ZNF827: variants seen among roughly 807,000 people sequenced by gnomAD.
ZNF827 encodes zinc finger protein 827.
Under a neutral mutation model 102.4 loss-of-function variants are expected in ZNF827, and 13 were observed. The ratio of observed to expected loss-of-function variants is 0.13; its 90% confidence interval spans 0.08 to 0.20. The LOEUF is 0.20. ZNF827 is among the 10% of genes least tolerant of loss of function. ZNF827 has a pLI of 1.00. For missense variants in ZNF827, 1,103 were observed against 1,344.4 expected, an observed-to-expected ratio of 0.82 and a Z score of 2.81; for synonymous variants, 523 against 536.2, an observed-to-expected ratio of 0.98 and a Z score of 0.34.
At chr4:145,880,916 G>A (rs919948774) in intron 4 of ZNF827, among the ~76,000 whole-genome samples, 5 of 152,246 alleles carry the variant, frequency 3.3e-5, no homozygotes, top group African/African-American at 9.6e-5. Flanking sequence ...TTGGAAGAAG[G>A]CTCATTTGTT....
chr4:145,861,790 G>A (rs763265058), intron 5 of ZNF827, among the ~76,000 whole-genome samples: 4 of 152,124 alleles, frequency 2.6e-5, no homozygotes, highest in Admixed American at 6.5e-5. Flanking sequence ...AGGAATCTAC[G>A]ATGAAGGTGG....
At chr4:145,915,764 T>C (rs1398602704) in intron 1 of ZNF827, among the ~76,000 whole-genome samples, 1 of 152,196 alleles carries the variant, frequency 6.6e-6, no homozygotes, top group African/African-American at 2.4e-5. Flanking sequence ...CTAAATTAGA[T>C]ATGGGTGAGA....
At chr4:145,929,628 C>T (rs545498378) in intron 1 of ZNF827, among the ~76,000 whole-genome samples, 2 of 152,090 alleles carry the variant, frequency 1.3e-5, no homozygotes, top group Admixed American at 1.3e-4. Context: ...TATTATTACT[C>T]ACCACACTAA....
chr4:145,855,978 G>A (rs1192168929), intron 5 of ZNF827, among the ~76,000 whole-genome samples: 1 of 151,830 alleles, frequency 6.6e-6, no homozygotes, highest in East Asian at 1.9e-4. Context: ...AGAATCACAA[G>A]TCGATTGAGA....
chr4:145,851,516 AAAG>A (rs1299312198), intron 5 of ZNF827, among the ~76,000 whole-genome samples: 3 of 152,222 alleles, frequency 2.0e-5, no homozygotes, highest in East Asian at 1.9e-4. Context: ...TAGTTAAAAA[AAAG>A]AAGAGCATTT....
chr4:145,926,287 A>G lies in ZNF827; in HGVS notation c.43+12078T>C, dbSNP rs972345031. On this transcript the variant is annotated intron_variant, in intron 1 of 14. Transcript: ENST00000508784. ...GAAAGAACTTCATATATTTGAATGT[A>G]GTGATCATGCACAATTTTTATCCAC... is the stretch of plus-strand genomic sequence containing the variant. Among the ~76,000 whole-genome samples, 29 of 152,364 alleles carry G rather than the reference A, an allele frequency of 1.9e-4. 1 individual carries two copies. The highest frequency in any genetic ancestry group is 1.8e-3 in the Admixed American group (28 of 15,302).
At chr4:145,894,034 C>T (rs1321237717) in intron 2 of ZNF827, among the ~76,000 whole-genome samples, 1 of 151,772 alleles carries the variant, frequency 6.6e-6, no homozygotes, top group Admixed American at 6.6e-5. Context: ...TGAGGAAATA[C>T]TGATTATAGC....
At position 145,760,224 on chromosome 4, in the gene ZNF827, A is replaced by G. The variant is rs1220643240; in HGVS notation, c.*1392T>C. On this transcript the variant is annotated 3_prime_UTR_variant, in exon 15 of 15. Transcript: ENST00000508784. ...AGGTGATGAAGGAGCACAGGGAGAG[A>G]CTGTCGTGGATGAACAACCCAGGAG... is the stretch of plus-strand genomic sequence containing the variant. 1 of 152,292 alleles carries G rather than the reference A, an allele frequency of 6.6e-6. No homozygotes were observed. Among genetic ancestry groups the G allele is most frequent in the Non-Finnish European group, 1.5e-5 (1 of 68,082 alleles). 9.4% of individuals were successfully genotyped at this position (152,292 alleles called of 1,614,324 possible).
At chr4:145,807,354 T>G (rs1196297491) in intron 8 of ZNF827, among the ~76,000 whole-genome samples, 1 of 152,218 alleles carries the variant, frequency 6.6e-6, no homozygotes, top group Non-Finnish European at 1.5e-5. Flanking sequence ...TGTTTCATGC[T>G]CATTATAGAA....
rs931895505 is a variant in ZNF827 at position 145,805,510 on chromosome 4, A to G, written c.2383+17912T>C. Among the ~76,000 whole-genome samples, 11 of 152,370 alleles carry G rather than the reference A, an allele frequency of 7.2e-5. No homozygotes were observed. In the East Asian group the frequency reaches 2.1e-3, roughly 29 times the overall value. On this transcript the variant is annotated intron_variant, in intron 8 of 14. Coordinates refer to ENST00000508784, the MANE Select transcript of ZNF827 (RefSeq NM_001306215.2). ...GGAACATGCACAGATTCCATCCACT[A>G]TAAAAATTCTGCTCAGCAAATTACC...
chr4:145,904,031 T>C (rs1165231020), intron 1 of ZNF827, among the ~76,000 whole-genome samples: 1 of 152,180 alleles, frequency 6.6e-6, no homozygotes, highest in East Asian at 1.9e-4. Flanking sequence ...TAAGAGTGTC[T>C]TTTCATTATT....
intron 4 of ZNF827, among the ~76,000 whole-genome samples, chr4:145,875,712 A>G (rs1179756680): frequency 2.6e-5 from 4 of 152,300 alleles, no homozygotes; most frequent in Middle Eastern, 3.4e-3. Flanking sequence ...TGGCAATTTT[A>G]TAAATGCTGA....
At chr4:145,856,202 G>A (rs1475308152) in intron 5 of ZNF827, among the ~76,000 whole-genome samples, 1 of 151,886 alleles carries the variant, frequency 6.6e-6, no homozygotes, top group Non-Finnish European at 1.5e-5. Context: ...CTCCATGTTG[G>A]TCAGGCTGGT....
intron 8 of ZNF827, among the ~76,000 whole-genome samples, chr4:145,793,737 C>T (rs562830358): frequency 1.3e-5 from 2 of 152,268 alleles, no homozygotes; most frequent in Admixed American, 6.5e-5. Flanking sequence ...TTTCCTACCC[C>T]ATAACAGAAA....
chr4:145,903,639 C>G (rs1305336357), intron 1 of ZNF827, among the ~76,000 whole-genome samples: 1 of 152,302 alleles, frequency 6.6e-6, no homozygotes, highest in South Asian at 2.1e-4. Context: ...GAGACACAGA[C>G]AGTGGGAAGC....
At chr4:145,851,325 G>A (rs1579373938) in intron 5 of ZNF827, among the ~76,000 whole-genome samples, 2 of 152,080 alleles carry the variant, frequency 1.3e-5, no homozygotes, top group East Asian at 3.8e-4. Flanking sequence ...CAGACACACA[G>A]GTACACAGAT....
intron 8 of ZNF827, among the ~76,000 whole-genome samples, chr4:145,816,633 T>C (rs1208735817): frequency 3.3e-5 from 5 of 152,146 alleles, no homozygotes; most frequent in Non-Finnish European, 7.4e-5. Flanking sequence ...ACTAGGCTGG[T>C]GGGGGACAGA....
At chr4:145,908,286 T>A (rs1303975029) in intron 1 of ZNF827, among the ~76,000 whole-genome samples, 5 of 152,244 alleles carry the variant, frequency 3.3e-5, no homozygotes, top group Admixed American at 3.3e-4. Flanking sequence ...TCAGTCCATA[T>A]GAGTCTAGCC....
chr4:145,772,604 T>C (rs1009663556), intron 11 of ZNF827, among the ~76,000 whole-genome samples: 4 of 152,118 alleles, frequency 2.6e-5, no homozygotes, highest in African/African-American at 7.2e-5. Context: ...AACAGCCGAG[T>C]TGAGTAGTAG....
Sources: gnomAD v4.1 joint callset for allele counts (sites outside exome capture counted in the v4.1 genomes callset) on GRCh38, gnomAD v4.1.1 for gene constraint, MANE v1.5 for transcripts, NCBI Gene and HGNC (gene_info 2026-07-23, HGNC 2026-07-21) for gene names.